The following DOCK2 variants were observed in gnomAD, a reference collection of about 807,000 sequenced individuals.
The protein encoded by DOCK2 is dedicator of cytokinesis 2.
DOCK2 carries 87 observed loss-of-function variants against 248.9 expected under a neutral mutation model. That is an observed-to-expected ratio of 0.35 (90% confidence interval 0.29 to 0.42). The LOEUF (loss-of-function observed/expected upper bound fraction) is 0.42. Ranked by LOEUF, DOCK2 falls within the 10% of genes least tolerant of loss-of-function variation. The pLI is 1.00. For synonymous variants in DOCK2, 805 were observed against 821.6 expected, an observed-to-expected ratio of 0.98 and a Z score of 0.35; for missense variants, 1,747 against 2,300.2, an observed-to-expected ratio of 0.76 and a Z score of 4.92.
At chr5:169,893,928 T>C (rs1407334765) in intron 27 of DOCK2, among the ~76,000 whole-genome samples, 2 of 152,324 alleles carry the variant, frequency 1.3e-5, no homozygotes, top group East Asian at 3.9e-4. Context: ...CTGTTTACAC[T>C]TGACAATCTC....
In DOCK2 at chr5:169,747,490, A is replaced by G; in HGVS notation, c.2362A>G (p.Thr788Ala). The G allele has an allele frequency of 1.2e-6, 2 of 1,613,184 alleles. No individual in the cohort carries two copies. Among genetic ancestry groups the G allele is most frequent in the Non-Finnish European group, 1.7e-6 (2 of 1,179,634 alleles). Reference protein sequence around the residue: ...NNLMKSQYKTTILLQVAALKY... With the variant: ...NNLMKSQYKTAILLQVAALKY... ...TCTGATGAAAAGTCAATACAAAACTACCATCCTTTTGCAGGTTGGTTTATG... is the reference window on the plus strand; with the variant it reads ...TCTGATGAAAAGTCAATACAAAACTGCCATCCTTTTGCAGGTTGGTTTATG... The change falls in exon 23 of 52, where the codon ACC (threonine) becomes GCC (alanine). Residue 788 changes from threonine to alanine, a missense_variant. Physicochemically the swap from Thr to Ala is moderately conservative, Grantham distance 58. This residue lies in a region of DOCK2 where 858 missense variants were observed against 1,183.5 expected (regional missense o/e 0.72). Transcript: ENST00000520908.
intron 27 of DOCK2, among the ~76,000 whole-genome samples, chr5:169,887,788 T>G (rs955809388): frequency 2.3e-4 from 35 of 152,206 alleles, no homozygotes; most frequent in African/African-American, 8.4e-4. Context: ...TTAGATTTCG[T>G]TGATACTACC....
At position 169,893,987 on chromosome 5, in the gene DOCK2, T is replaced by C. The variant is rs549587455; in HGVS notation, c.2799+53135T>C. Among the ~76,000 whole-genome samples the C allele has an allele frequency of 6.6e-5, 10 of 152,340 alleles. No individual in the cohort carries two copies. In the South Asian group the frequency reaches 2.1e-3, roughly 32 times the overall value. ...TTATGAATAAAATTGGAAAAGTCTT[T>C]CCATTCTGAAGGGACCTATGCTCCA... On this transcript the variant is annotated intron_variant, in intron 27 of 51. Transcript: ENST00000520908.
intron 2 of DOCK2, among the ~76,000 whole-genome samples, chr5:169,665,908 G>T (rs1351803695): frequency 6.6e-6 from 1 of 152,010 alleles, no homozygotes; most frequent in Non-Finnish European, 1.5e-5. Context: ...ATTTGATATT[G>T]GTATTTGAGA....
chr5:169,659,551 G>A (rs1473178362), intron 2 of DOCK2, among the ~76,000 whole-genome samples: 1 of 152,166 alleles, frequency 6.6e-6, no homozygotes, highest in Non-Finnish European at 1.5e-5. Flanking sequence ...TCAGCTGAAT[G>A]AAGAGGGAAA....
chr5:169,951,643 T>C (rs2113726189), intron 27 of DOCK2, among the ~76,000 whole-genome samples: 1 of 152,364 alleles, frequency 6.6e-6, no homozygotes, highest in South Asian at 2.1e-4. Context: ...AATAGCATTA[T>C]GATGAGGGTC....
chr5:169,649,270 CA>C (rs1420656319), intron 1 of DOCK2, among the ~76,000 whole-genome samples: 2 of 152,210 alleles, frequency 1.3e-5, no homozygotes, highest in Non-Finnish European at 2.9e-5. Flanking sequence ...AACATGTCAG[CA>C]GATGGCAGGG....
chr5:169,872,044 C>A (rs958728739), intron 27 of DOCK2, among the ~76,000 whole-genome samples: 1 of 152,158 alleles, frequency 6.6e-6, no homozygotes, highest in Non-Finnish European at 1.5e-5. Flanking sequence ...TGCCAACAAG[C>A]CACTGCCATC....
chr5:170,081,430 C>T, intron 50 of DOCK2: 1 of 173,346 alleles, frequency 5.8e-6, no homozygotes, highest in East Asian at 1.7e-4. Context: ...CATCTGGCCC[C>T]TCCACCAGGT....
chr5:169,663,229 G>A (rs1009578208), intron 2 of DOCK2, among the ~76,000 whole-genome samples: 5 of 152,190 alleles, frequency 3.3e-5, no homozygotes, highest in Non-Finnish European at 7.3e-5. Context: ...TTGATGCAAG[G>A]GATGGGTCCC....
At chr5:169,734,257 A>G (rs748160743) in intron 22 of DOCK2, among the ~76,000 whole-genome samples, 3 of 151,892 alleles carry the variant, frequency 2.0e-5, no homozygotes, top group Non-Finnish European at 2.9e-5. Flanking sequence ...TGTTTTTATA[A>G]TATTTTGTTT....
At chr5:169,821,545 A>G (rs1768441307) in intron 26 of DOCK2, among the ~76,000 whole-genome samples, 1 of 152,154 alleles carries the variant, frequency 6.6e-6, no homozygotes, top group South Asian at 2.1e-4. Flanking sequence ...AGGAGAAATA[A>G]AATCCTTTAC....
chr5:169,717,293 G>C, intron 20 of DOCK2, 91 bp from the exon 21 acceptor site: 1 of 1,057,116 alleles, frequency 9.5e-7, no homozygotes, highest in Non-Finnish European at 1.5e-6. Flanking sequence ...CCTGGGCAAA[G>C]GATTTTAATG....
At chr5:169,972,855 C>A (rs185603541) in intron 27 of DOCK2, among the ~76,000 whole-genome samples, 2 of 152,078 alleles carry the variant, frequency 1.3e-5, no homozygotes, top group African/African-American at 2.4e-5. Context: ...TTAAGCACTG[C>A]GGAATTGAGC....
rs758519444 is a variant in DOCK2 at position 169,883,810 on chromosome 5, C to T, written c.2799+42958C>T. On this transcript the variant is annotated intron_variant, in intron 27 of 51. Coordinates refer to ENST00000520908, the MANE Select transcript of DOCK2 (RefSeq NM_004946.3). The stretch of plus-strand genomic sequence containing the variant: ...TCTCACCTGCTGGGATTTGCTCCTG[C>T]GGTGGTGAGGTTGTTTCACAAACTC... 5.7e-5 allele frequency: 88 copies of T among 1,550,724 alleles called. No homozygotes were observed. Among genetic ancestry groups the T allele is most frequent in the Middle Eastern group, 1.7e-4 (1 of 5,984 alleles).
At chr5:169,819,621 G>C (rs146809693) in intron 26 of DOCK2, among the ~76,000 whole-genome samples, 1 of 152,006 alleles carries the variant, frequency 6.6e-6, no homozygotes, top group Non-Finnish European at 1.5e-5. Flanking sequence ...ACCCTGTCTC[G>C]AAAAAAACAA....
intron 22 of DOCK2, among the ~76,000 whole-genome samples, chr5:169,733,091 T>A (rs1450080170): frequency 1.3e-5 from 2 of 152,158 alleles, no homozygotes; most frequent in Non-Finnish European, 2.9e-5. Context: ...AATTCATTTC[T>A]ACCATTTTAG....
At chr5:169,748,913 G>A (rs10053930) in intron 23 of DOCK2, among the ~76,000 whole-genome samples, 6,780 of 152,238 alleles carry the variant, frequency 0.045, 467 homozygotes, top group African/African-American at 0.14. Context: ...GGCCTGCCAT[G>A]TTATAAAAGG....
chr5:169,645,262 A>T (rs1757394230), intron 1 of DOCK2, among the ~76,000 whole-genome samples: 1 of 152,194 alleles, frequency 6.6e-6, no homozygotes, highest in African/African-American at 2.4e-5. Flanking sequence ...ACAGTGTAAA[A>T]GTATTCTTAT....
Sources: gnomAD v4.1 joint callset for allele counts (sites outside exome capture counted in the v4.1 genomes callset) on GRCh38, gnomAD v4.1.1 for gene constraint, gnomAD v4.1.1 regional missense constraint, MANE v1.5 for transcripts, NCBI Gene and HGNC (gene_info 2026-07-23, HGNC 2026-07-21) for gene names.